Variants in RBFOX1 observed in about 807,000 individuals in gnomAD.
RBFOX1 encodes the protein RNA binding protein fox-1 homolog 1.
Under a neutral mutation model 57.7 loss-of-function variants are expected in RBFOX1, and 8 were observed. The ratio of observed to expected loss-of-function variants is 0.14; its 90% CI spans 0.08 to 0.25. RBFOX1 has a LOEUF of 0.25. Ranked by LOEUF, RBFOX1 falls within the 10% of genes least tolerant of loss-of-function variation. The pLI, the probability that RBFOX1 is intolerant of heterozygous loss-of-function variation, is 1.00. For synonymous variants in RBFOX1, 326 were observed against 222.4 expected (o/e 1.47, Z -4.15); for missense variants, 611 against 548.5 (o/e 1.11, Z -1.14).
chr16:7,347,035 G>C (rs755629770), intron 4 of RBFOX1, among the ~76,000 whole-genome samples: 22 of 152,200 alleles, frequency 1.4e-4, no homozygotes, highest in Non-Finnish European at 3.2e-4. Context: ...CAAGAGGTAA[G>C]ACAGGCCTAG....
At chr16:6,831,465 C>G (rs2092703977) in intron 3 of RBFOX1, among the ~76,000 whole-genome samples, 1 of 152,192 alleles carries the variant, frequency 6.6e-6, no homozygotes, top group African/African-American at 2.4e-5. Flanking sequence ...AACCCTCCAA[C>G]CAAATGCCCA....
chr16:6,470,317 C>G (rs746519105), intron 2 of RBFOX1, among the ~76,000 whole-genome samples: 3 of 152,160 alleles, frequency 2.0e-5, no homozygotes, highest in Non-Finnish European at 4.4e-5. Context: ...TTGACCATCT[C>G]AATTCATTTT....
chr16:7,421,413 G>T (rs976248279), intron 4 of RBFOX1, among the ~76,000 whole-genome samples: 1 of 152,076 alleles, frequency 6.6e-6, no homozygotes, highest in Non-Finnish European at 1.5e-5. Flanking sequence ...TTTATATTCA[G>T]GCACCCATAC....
rs1479459647 is a variant in RBFOX1 at position 7,509,414 on chromosome 16, G to GTC, written c.28-8732_28-8731insCT. Among the ~76,000 whole-genome samples, 1,128 of 131,212 alleles carry GTC rather than the reference G, an allele frequency of 8.6e-3. 10 individuals are homozygous for GTC. The highest frequency in any genetic ancestry group is 0.031 in the African/African-American group (1,077 of 35,064). The allele number at this position is 131,212 out of a possible 152,430, so 86.1% of individuals were successfully genotyped here. ...CCTGTGTGTGTGTGTGTGTGTGTGT[G>GTC]TGTGTGTGTGTGTGTGTCTGTGTCT... On this transcript the variant is annotated intron_variant, in intron 4 of 15. Coordinates refer to ENST00000550418, the MANE Select transcript of RBFOX1 (RefSeq NM_018723.4).
At chr16:6,666,428 T>A (rs2098733185) in intron 3 of RBFOX1, among the ~76,000 whole-genome samples, 1 of 151,506 alleles carries the variant, frequency 6.6e-6, no homozygotes, top group South Asian at 2.1e-4. Context: ...CTAGCCATGC[T>A]ATTCGGGAAG....
At chr16:7,035,879 C>T (rs1381372327) in intron 3 of RBFOX1, among the ~76,000 whole-genome samples, 1 of 149,224 alleles carries the variant, frequency 6.7e-6, no homozygotes, top group Admixed American at 6.7e-5. Context: ...AGAATGTGAA[C>T]ACAGACACAC....
intron 4 of RBFOX1, among the ~76,000 whole-genome samples, chr16:7,122,061 A>T (rs1263816054): frequency 6.6e-6 from 1 of 152,096 alleles, no homozygotes; most frequent in Non-Finnish European, 1.5e-5. Context: ...TTAGAAGAAC[A>T]CATGGGTAAA....
intron 2 of RBFOX1, among the ~76,000 whole-genome samples, chr16:6,587,691 CA>C: frequency 6.6e-6 from 1 of 152,178 alleles, no homozygotes; most frequent in Admixed American, 6.5e-5. Flanking sequence ...GTGTAAAAAA[CA>C]GAGAGATGAT....
At chr16:5,276,005 C>A (rs1214859468) in intron 1 of RBFOX1, among the ~76,000 whole-genome samples, 2 of 152,164 alleles carry the variant, frequency 1.3e-5, no homozygotes, top group Non-Finnish European at 2.9e-5. Context: ...AAACTGGATC[C>A]TCATCTCTCA....
At chr16:7,166,310 G>A (rs576640088) in intron 4 of RBFOX1, among the ~76,000 whole-genome samples, 9 of 152,234 alleles carry the variant, frequency 5.9e-5, no homozygotes, top group South Asian at 2.1e-4. Flanking sequence ...CACCGCACCC[G>A]GCCGGAGTGG....
rs1329991229 is a variant in RBFOX1 at position 7,208,037 on chromosome 16, T to C, written c.27+155939T>C. ...TGAAACCGGCGCATGGTATCTTCTC[T>C]GGAAAACTAGGACTTTAGGCAACAT... is the stretch of plus-strand genomic sequence containing the variant. On this transcript the variant is annotated intron_variant, in intron 4 of 15. Transcript: ENST00000550418. Among the ~76,000 whole-genome samples, 6 of 152,312 alleles carry C rather than the reference T, an allele frequency of 3.9e-5. No homozygotes were observed. In the East Asian group the frequency reaches 1.2e-3, roughly 29 times the overall value.
intron 4 of RBFOX1, among the ~76,000 whole-genome samples, chr16:7,471,257 G>C (rs2061505559): frequency 2.6e-5 from 4 of 152,150 alleles, no homozygotes; most frequent in Admixed American, 2.6e-4. Context: ...TCACTGAGGG[G>C]GACATTTAGC....
At chr16:6,083,161 C>G (rs1301093006) in intron 1 of RBFOX1, among the ~76,000 whole-genome samples, 1 of 152,018 alleles carries the variant, frequency 6.6e-6, no homozygotes, top group Non-Finnish European at 1.5e-5. Flanking sequence ...ACTACCTTGC[C>G]CAGCTAAGTT....
chr16:7,512,921 C>G (rs1024589911), intron 4 of RBFOX1, among the ~76,000 whole-genome samples: 13 of 152,194 alleles, frequency 8.5e-5, no homozygotes, highest in African/African-American at 3.1e-4. Context: ...ACACCAACAG[C>G]TAAACACAGG....
intron 2 of RBFOX1, among the ~76,000 whole-genome samples, chr16:6,511,996 C>T (rs2096264738): frequency 6.6e-6 from 1 of 151,908 alleles, no homozygotes; most frequent in South Asian, 2.1e-4. Context: ...ACAAGCAGGA[C>T]ATGGTGGCTT....
At chr16:6,147,175 G>C (rs2096764656) in intron 1 of RBFOX1, among the ~76,000 whole-genome samples, 1 of 152,304 alleles carries the variant, frequency 6.6e-6, no homozygotes, top group East Asian at 1.9e-4. Context: ...TTACCTAAAA[G>C]GACCTCTTCA....
At chr16:5,991,385 G>T (rs1464193399) in intron 4 of RBFOX1, among the ~76,000 whole-genome samples, 2 of 152,180 alleles carry the variant, frequency 1.3e-5, no homozygotes, top group African/African-American at 2.4e-5. Context: ...AGAGTAGAGC[G>T]CCGTGGGCTG....
chr16:7,060,489 C>A (rs1244218781), intron 4 of RBFOX1, among the ~76,000 whole-genome samples: 1 of 152,160 alleles, frequency 6.6e-6, no homozygotes, highest in African/African-American at 2.4e-5. Context: ...AAAGTGATTT[C>A]TTGCTTTAAA....
At chr16:5,904,349 CA>C (rs1317347344) in intron 4 of RBFOX1, among the ~76,000 whole-genome samples, 1 of 152,106 alleles carries the variant, frequency 6.6e-6, no homozygotes. Flanking sequence ...TGCCTGCTCC[CA>C]GCAGAGGCTG....
Sources: gnomAD v4.1 joint callset for allele counts (sites outside exome capture counted in the v4.1 genomes callset) on GRCh38, gnomAD v4.1.1 for gene constraint, MANE v1.5 for transcripts, NCBI Gene and HGNC (gene_info 2026-07-23, HGNC 2026-07-21) for gene names.